TSPEAR: variants seen among roughly 807,000 people sequenced by gnomAD.
TSPEAR encodes thrombospondin type laminin G domain and EAR repeats, also known as thrombospondin-type laminin G domain and EAR repeat-containing protein.
TSPEAR carries 69 observed loss-of-function variants against 71.6 expected under a neutral mutation model. That is an observed-to-expected ratio of 0.96 (90% confidence interval 0.79 to 1.18). The LOEUF is 1.18. Ranked by LOEUF, TSPEAR falls within the 50% of genes most tolerant of loss-of-function variation. The probability of loss-of-function intolerance (pLI) is 0.00; values close to 1 mark genes in which losing one functional copy is unlikely to be tolerated. For synonymous variants in TSPEAR, 402 were observed against 387.2 expected (o/e 1.04, Z -0.45); for missense variants, 971 against 894.9 (o/e 1.09, Z -1.09).
chr21:44,644,865 C>T (rs1984221583), intron 1 of TSPEAR, among the ~76,000 whole-genome samples: 1 of 152,094 alleles, frequency 6.6e-6, no homozygotes, highest in African/African-American at 2.4e-5. Context: ...TAAAATAATG[C>T]ATTAGCCTAG....
chr21:44,704,298 G>A (rs1219576743), intron 1 of TSPEAR, among the ~76,000 whole-genome samples: 1 of 151,356 alleles, frequency 6.6e-6, no homozygotes, highest in African/African-American at 2.4e-5. Flanking sequence ...CGGGGTGAGA[G>A]AAGCCAGTTT....
Position 44,702,630 on chromosome 21 carries a change from C to G in TSPEAR, c.82+8803G>C, listed in dbSNP as rs1987711212. ...CCTCCTCTGTGTCCCTCCTCTGCCA[C>G]CCTGTGTGCAGGCCCACCTGCTGCA... On this transcript the variant is annotated intron_variant, in intron 1 of 11. Coordinates refer to ENST00000323084, the MANE Select transcript of TSPEAR (RefSeq NM_144991.3). 8 of 1,600,470 alleles carry G rather than the reference C, an allele frequency of 5.0e-6. No homozygotes were observed. The South Asian group carries it at 8.8e-5, about 18-fold the overall frequency.
At chr21:44,558,058 T>C in intron 2 of TSPEAR, 1 of 1,605,462 alleles carries the variant, frequency 6.2e-7, no homozygotes, top group Non-Finnish European at 8.5e-7. Flanking sequence ...CGTCAGCAGC[T>C]GGACTTCTGG....
rs781995099 is a variant in TSPEAR, at chr21:44,579,885, C to T, written c.83-11880G>A. 56 of 1,599,404 alleles carry T rather than the reference C, an allele frequency of 3.5e-5. No homozygotes were observed. The highest frequency in any genetic ancestry group is 1.1e-4 in the South Asian group (10 of 90,088). On this transcript the variant is annotated intron_variant, in intron 1 of 11. Transcript: ENST00000323084. ...CAGGAGGAGATGGGCAGGCAGCAGG[C>T]GGGCCTGCATATGGGGCGGCAGAGG...
At chr21:44,659,012 C>T (rs1158362170) in intron 1 of TSPEAR, among the ~76,000 whole-genome samples, 2 of 152,164 alleles carry the variant, frequency 1.3e-5, no homozygotes, top group African/African-American at 4.8e-5. Flanking sequence ...GAGCAGAGTT[C>T]GTCTACCCCG....
chr21:44,707,541 G>A (rs1987996668), intron 1 of TSPEAR, among the ~76,000 whole-genome samples: 1 of 152,136 alleles, frequency 6.6e-6, no homozygotes, highest in Non-Finnish European at 1.5e-5. Flanking sequence ...AGTGTGTGGG[G>A]CTCAGCCCTA....
chr21:44,548,833 A>G (rs117784306), intron 2 of TSPEAR, among the ~76,000 whole-genome samples: 1 of 152,060 alleles, frequency 6.6e-6, no homozygotes, highest in Non-Finnish European at 1.5e-5. Context: ...ATCCATGAAC[A>G]CTCTGCACCA....
At chr21:44,583,733 T>C (rs1425886721) in intron 1 of TSPEAR, among the ~76,000 whole-genome samples, 9 of 152,216 alleles carry the variant, frequency 5.9e-5, no homozygotes, top group African/African-American at 2.2e-4. Context: ...CCCAGCTTTA[T>C]TGAGATGTAA....
At chr21:44,669,279 T>C (rs1601548593) in intron 1 of TSPEAR, among the ~76,000 whole-genome samples, 1 of 152,128 alleles carries the variant, frequency 6.6e-6, no homozygotes, top group East Asian at 1.9e-4. Context: ...AAAAATTAGC[T>C]GGGTGTGGTG....
intron 2 of TSPEAR, among the ~76,000 whole-genome samples, chr21:44,549,249 CGT>C (rs2053357481): frequency 6.6e-6 from 1 of 151,554 alleles, no homozygotes; most frequent in Non-Finnish European, 1.5e-5. Context: ...CATGCCTGGG[CGT>C]GTAGGAAAAG....
At chr21:44,539,651 G>A (rs2053171678) in intron 2 of TSPEAR, 3 of 1,596,266 alleles carry the variant, frequency 1.9e-6, no homozygotes, top group Non-Finnish European at 2.6e-6. Flanking sequence ...ATGGCAGCTA[G>A]ACTGCTGGCA....
chr21:44,702,174 A>T, intron 1 of TSPEAR: 1 of 1,465,484 alleles, frequency 6.8e-7, no homozygotes. Context: ...AGAGACCACC[A>T]TCCACCCCAC....
chr21:44,701,564 C>T (rs1311633452), intron 1 of TSPEAR, among the ~76,000 whole-genome samples: 2 of 152,182 alleles, frequency 1.3e-5, no homozygotes, highest in African/African-American at 2.4e-5. Context: ...CAGATGGTCC[C>T]GTCTGGGGGT....
At chr21:44,536,335 T>C (rs141753570) in intron 2 of TSPEAR, among the ~76,000 whole-genome samples, 211 of 152,350 alleles carry the variant, frequency 1.4e-3, no homozygotes, top group African/African-American at 4.5e-3. Flanking sequence ...TTGGGTGATA[T>C]CTTGCCATTA....
intron 8 of TSPEAR, among the ~76,000 whole-genome samples, chr21:44,524,699 A>G (rs1184665720): frequency 6.6e-6 from 1 of 152,096 alleles, no homozygotes. Flanking sequence ...TCAGCTAGTC[A>G]GTTAATCAGG....
chr21:44,703,247 C>T (rs529015420), intron 1 of TSPEAR, among the ~76,000 whole-genome samples: 51 of 152,246 alleles, frequency 3.3e-4, no homozygotes, highest in Non-Finnish European at 3.4e-4. Flanking sequence ...AGACGAGCCA[C>T]GTCATGGGAG....
At chr21:44,702,123 C>T (rs574481944) in intron 1 of TSPEAR, 153 of 1,089,256 alleles carry the variant, frequency 1.4e-4, no homozygotes, top group Non-Finnish European at 1.7e-4. Flanking sequence ...GGAGAGGCAG[C>T]GTCCACATGA....
intron 1 of TSPEAR, among the ~76,000 whole-genome samples, chr21:44,652,892 C>G (rs782512113): frequency 6.6e-6 from 1 of 152,154 alleles, no homozygotes; most frequent in Non-Finnish European, 1.5e-5. Context: ...TGTGGTGGCT[C>G]ACACCTGTAA....
intron 2 of TSPEAR, among the ~76,000 whole-genome samples, chr21:44,536,956 C>T (rs1482618208): frequency 3.3e-5 from 5 of 152,156 alleles, no homozygotes; most frequent in African/African-American, 7.2e-5. Flanking sequence ...CCCATTCACA[C>T]TAGTAAAACA....
Sources: allele counts gnomAD v4.1 joint callset (sites outside exome capture counted in the v4.1 genomes callset), GRCh38; gene constraint gnomAD v4.1.1; transcripts MANE v1.5; gene names NCBI Gene and HGNC (gene_info 2026-07-23, HGNC 2026-07-21).